Variants in EYS observed in about 807,000 individuals in gnomAD.
The protein encoded by EYS is EGF-like photoreceptor maintenance factor.
In EYS, 250 loss-of-function variants were observed where a neutral mutation model predicts 282.1. That is an observed-to-expected ratio of 0.89 (90% CI 0.80 to 0.98). The LOEUF is 0.98. Among genes scored for constraint, EYS ranks in the 50% least tolerant of loss-of-function variants. The pLI is 0.00. For missense variants in EYS, 4,016 were observed against 3,709.0 expected (o/e 1.08, Z -2.15); for synonymous variants, 1,355 against 1,282.9 (o/e 1.06, Z -1.20).
intron 5 of EYS, among the ~76,000 whole-genome samples, chr6:65,446,321 T>G (rs1432279368): frequency 6.6e-6 from 1 of 151,844 alleles, no homozygotes; most frequent in Non-Finnish European, 1.5e-5. Flanking sequence ...AATTAATACT[T>G]TTTCATCAAG....
At chr6:64,595,970 T>A (rs1397536466) in intron 24 of EYS, among the ~76,000 whole-genome samples, 6 of 152,194 alleles carry the variant, frequency 3.9e-5, no homozygotes, top group Non-Finnish European at 8.8e-5. Context: ...TGCTGGCATC[T>A]GCTTGGCTTC....
intron 10 of EYS, among the ~76,000 whole-genome samples, chr6:65,343,054 AT>A (rs1770258197): frequency 6.6e-6 from 1 of 151,206 alleles, no homozygotes. Flanking sequence ...ATATATATAT[AT>A]GTAAGAACGT....
intron 35 of EYS, among the ~76,000 whole-genome samples, chr6:63,925,001 C>T (rs953216601): frequency 7.2e-5 from 11 of 152,174 alleles, no homozygotes; most frequent in African/African-American, 1.2e-4. Flanking sequence ...AAAACAAGCT[C>T]GTTCATATGT....
At chr6:65,216,867 G>A (rs1272453345) in intron 12 of EYS, among the ~76,000 whole-genome samples, 1 of 151,572 alleles carries the variant, frequency 6.6e-6, no homozygotes, top group Non-Finnish European at 1.5e-5. Flanking sequence ...GACAAATTTG[G>A]CAAGTAAAAA....
At chr6:64,668,062 T>A (rs568220012) in intron 22 of EYS, among the ~76,000 whole-genome samples, 59 of 152,286 alleles carry the variant, frequency 3.9e-4, no homozygotes, top group Non-Finnish European at 5.0e-4. Flanking sequence ...TTACTGCTGC[T>A]CAAAATGTGG....
At chr6:64,488,550 C>G (rs1228789892) in intron 26 of EYS, among the ~76,000 whole-genome samples, 1 of 150,956 alleles carries the variant, frequency 6.6e-6, no homozygotes, top group Non-Finnish European at 1.5e-5. Context: ...TATGCAAATG[C>G]AAATAGATAA....
chr6:64,580,541 A>G (rs1277322139), intron 26 of EYS, among the ~76,000 whole-genome samples: 1 of 152,166 alleles, frequency 6.6e-6, no homozygotes, highest in East Asian at 1.9e-4. Context: ...GAATCATAAA[A>G]CAGGTTAGAA....
At chr6:64,013,592 C>T (rs528350176) in intron 33 of EYS, among the ~76,000 whole-genome samples, 1 of 152,252 alleles carries the variant, frequency 6.6e-6, no homozygotes, top group South Asian at 2.1e-4. Context: ...ATATTGTTAG[C>T]TTGAAATATA....
intron 29 of EYS, among the ~76,000 whole-genome samples, chr6:64,346,125 A>C (rs886603439): frequency 6.6e-6 from 1 of 152,114 alleles, no homozygotes; most frequent in African/African-American, 2.4e-5. Context: ...TAGTTCAACC[A>C]TTGTGGAAGT....
intron 22 of EYS, among the ~76,000 whole-genome samples, chr6:64,737,013 C>T (rs1485029831): frequency 6.6e-6 from 1 of 152,052 alleles, no homozygotes; most frequent in Non-Finnish European, 1.5e-5. Context: ...GTATAGTTTG[C>T]CTTTCAAATT....
At chr6:65,653,839 T>TGCATTGGCAAGAGGACACTTG (rs1281657012) in intron 1 of EYS, among the ~76,000 whole-genome samples, 1 of 151,918 alleles carries the variant, frequency 6.6e-6, no homozygotes, top group Non-Finnish European at 1.5e-5. Flanking sequence ...AAAGTCCAAG[T>TGCATTGGCAAGAGGACACTTG]GTCCTCTACA....
intron 13 of EYS, among the ~76,000 whole-genome samples, chr6:65,013,555 A>G (rs1288577593): frequency 6.6e-6 from 1 of 152,178 alleles, no homozygotes; most frequent in African/African-American, 2.4e-5. Flanking sequence ...CCACTAGTGT[A>G]CATACCCCAT....
chr6:65,505,323 T>G lies in EYS; in HGVS notation c.-332-9330A>C, dbSNP rs73447216. On this transcript the variant is annotated intron_variant, in intron 2 of 42. Coordinates refer to ENST00000503581, the MANE Select transcript of EYS (RefSeq NM_001142800.2). ...TCTCCCTTGATTAGCCTGACTAGAG[T>G]CTTTACCAATTTTATTAATATTTTC... Among the ~76,000 whole-genome samples the G allele has an allele frequency of 8.1e-3, 1,226 of 151,946 alleles. 14 individuals are homozygous for G. The highest frequency in any genetic ancestry group is 0.028 in the African/African-American group (1,149 of 41,546).
chr6:64,589,419 A>C (rs1287761540), intron 26 of EYS, among the ~76,000 whole-genome samples: 2 of 152,118 alleles, frequency 1.3e-5, no homozygotes, highest in Non-Finnish European at 2.9e-5. Flanking sequence ...TTTCACTGCC[A>C]CAAAGTAACA....
chr6:65,457,311 T>G (rs545428820), intron 5 of EYS, among the ~76,000 whole-genome samples: 5 of 152,222 alleles, frequency 3.3e-5, no homozygotes, highest in African/African-American at 1.2e-4. Context: ...ACCACAGGCA[T>G]GTGCCACCAT....
Position 65,593,888 on chromosome 6 carries a change from A to G in EYS, c.-333+45890T>C, listed in dbSNP as rs200803555. On this transcript the variant is annotated intron_variant, in intron 2 of 42. Transcript: ENST00000503581. The stretch of plus-strand genomic sequence containing the variant: ...GAATGTACCAGGTATTGTTCCAAAA[A>G]ACTTTTCCAATACTGAGTCTACAGC... Among the ~76,000 whole-genome samples the G allele has an allele frequency of 4.6e-5, 7 of 152,008 alleles. No individual in the cohort carries two copies. The East Asian group carries it at 1.4e-3, about 30-fold the overall frequency.
chr6:64,455,833 T>A (rs1460718808), intron 26 of EYS, among the ~76,000 whole-genome samples: 1 of 152,134 alleles, frequency 6.6e-6, no homozygotes. Flanking sequence ...AAAACTTTCC[T>A]TCTATTCTTA....
intron 31 of EYS, among the ~76,000 whole-genome samples, chr6:64,172,337 C>T (rs1764502919): frequency 6.6e-6 from 1 of 152,168 alleles, no homozygotes; most frequent in African/African-American, 2.4e-5. Flanking sequence ...ACTTATATGT[C>T]TTATATAACT....
chr6:64,414,035 A>G (rs970112939), intron 28 of EYS, among the ~76,000 whole-genome samples: 4 of 152,142 alleles, frequency 2.6e-5, no homozygotes, highest in Admixed American at 6.6e-5. Flanking sequence ...TTCCTAGATC[A>G]TGTACTTCCT....
Sources: gnomAD v4.1 joint callset for allele counts (sites outside exome capture counted in the v4.1 genomes callset) on GRCh38, gnomAD v4.1.1 for gene constraint, MANE v1.5 for transcripts, NCBI Gene and HGNC (gene_info 2026-07-23, HGNC 2026-07-21) for gene names.